Variants in PCDH11Y observed in about 807,000 individuals in gnomAD.
PCDH11Y encodes the protein protocadherin 11 Y-linked.
For synonymous variants in PCDH11Y, 9 were observed against 83.6 expected, an observed-to-expected ratio of 0.11 and a Z score of 4.87; for missense variants, 12 against 224.8, an observed-to-expected ratio of 0.05 and a Z score of 6.05.
chrY:5,198,243 G>C, intron 2 of PCDH11Y, among the ~76,000 whole-genome samples: 1 of 23,990 alleles, frequency 4.2e-5, no homozygotes, highest in Non-Finnish European at 9.6e-5. Context: ...TGCCTCCTGG[G>C]TTCAAGCAAT....
At chrY:5,296,934 A>G in intron 2 of PCDH11Y, among the ~76,000 whole-genome samples, 2 of 31,880 alleles carry the variant, frequency 6.3e-5, no homozygotes, top group African/African-American at 2.5e-4. Context: ...CTCAAGCAGA[A>G]GGAGTTTTGC....
intron 2 of PCDH11Y, among the ~76,000 whole-genome samples, chrY:5,198,285 T>C (rs2052923249): frequency 3.7e-5 from 1 of 26,811 alleles, no homozygotes; most frequent in African/African-American, 1.5e-4. Flanking sequence ...GTAGCTGGGA[T>C]TATAGGTGCC....
downstream of PCDH11Y, among the ~76,000 whole-genome samples, chrY:5,107,655 T>C: frequency 3.0e-5 from 1 of 33,070 alleles, no homozygotes; most frequent in Non-Finnish European, 7.4e-5. Context: ...TCCAACCTTT[T>C]GTGTTGTCAT....
At chrY:5,597,466 C>A (rs1602948381) in intron 4 of PCDH11Y, among the ~76,000 whole-genome samples, 5 of 27,326 alleles carry the variant, frequency 1.8e-4, no homozygotes, top group African/African-American at 4.3e-4. Context: ...CATCTCCATA[C>A]TGTTTCTCAA....
chrY:5,438,041 A>G (rs2053277055), intron 2 of PCDH11Y, among the ~76,000 whole-genome samples: 1 of 31,353 alleles, frequency 3.2e-5, no homozygotes, highest in Non-Finnish European at 7.7e-5. Flanking sequence ...CAATCCAGGA[A>G]AATTAATTCT....
At chrY:5,346,299 G>A (rs2053152543) in intron 2 of PCDH11Y, among the ~76,000 whole-genome samples, 4 of 31,878 alleles carry the variant, frequency 1.3e-4, no homozygotes, top group Admixed American at 5.9e-4. Flanking sequence ...GCGCAATCTC[G>A]GCTCACTGCA....
intron 4 of PCDH11Y, among the ~76,000 whole-genome samples, chrY:5,653,845 G>A (rs2053533982): frequency 3.1e-5 from 1 of 32,344 alleles, no homozygotes. Context: ...AGGAAAAAAT[G>A]TTAAGGCAGC....
At chrY:5,235,996 G>A (rs2052974756) in intron 2 of PCDH11Y, among the ~76,000 whole-genome samples, 1 of 33,449 alleles carries the variant, frequency 3.0e-5, no homozygotes, top group South Asian at 6.4e-4. Context: ...CAGTTTCATA[G>A]CATATCACTT....
At chrY:5,360,734 G>A (rs2124671795) in intron 2 of PCDH11Y, among the ~76,000 whole-genome samples, 17 of 32,866 alleles carry the variant, frequency 5.2e-4, no homozygotes, top group Admixed American at 4.3e-3. Flanking sequence ...AGAAATAAAA[G>A]TCAAACATCT....
At position 5,023,101 on chromosome Y, in the gene PCDH11Y, A is replaced by G; in HGVS notation, c.-133-8805A>G. Reference sequence around the variant, plus strand: ...CACATTAAAGCTGAAATTATACATGATATGAATGCAGTATTAGTTACTAAT... The same window carrying G: ...CACATTAAAGCTGAAATTATACATGGTATGAATGCAGTATTAGTTACTAAT... On this transcript the variant is annotated intron_variant, in intron 1 of 5. Transcript: ENST00000333703. 1.8e-4 allele frequency among the ~76,000 whole-genome samples: 6 copies of G among 34,049 alleles called. No homozygotes were observed. The East Asian group carries it at 4.6e-3, about 26-fold the overall frequency. The allele number at this position is 34,049 out of a possible 37,273, so 91.4% of individuals were successfully genotyped here.
chrY:5,684,072 G>A, intron 4 of PCDH11Y, among the ~76,000 whole-genome samples: 1 of 32,351 alleles, frequency 3.1e-5, no homozygotes, highest in Non-Finnish European at 7.6e-5. Context: ...ATTTGACAAG[G>A]GATTAATAAC....
At chrY:5,570,666 A>C (rs2053438611) in intron 3 of PCDH11Y, among the ~76,000 whole-genome samples, 1 of 31,978 alleles carries the variant, frequency 3.1e-5, no homozygotes. Flanking sequence ...GATTTCCCTA[A>C]TAGTTAAAAC....
chrY:5,200,909 A>G (rs2124649830), intron 2 of PCDH11Y, among the ~76,000 whole-genome samples: 1 of 34,252 alleles, frequency 2.9e-5, no homozygotes, highest in Admixed American at 2.6e-4. Flanking sequence ...GATGTATAAG[A>G]GACTTGGATT....
chrY:5,740,656 CACATT>C (rs2053616517), exon 5 of PCDH11Y: 1 of 33,367 alleles, frequency 3.0e-5, no homozygotes, highest in African/African-American at 1.2e-4. Context: ...TCTTTTTCAT[CACATT>C]ACAAGTTATT....
At chrY:5,431,802 G>A in intron 2 of PCDH11Y, among the ~76,000 whole-genome samples, 1 of 32,775 alleles carries the variant, frequency 3.1e-5, no homozygotes, top group Non-Finnish European at 7.5e-5. Context: ...GATTTTTTTC[G>A]CTCACTAATA....
At chrY:5,421,668 CA>C (rs2053258689) in intron 2 of PCDH11Y, among the ~76,000 whole-genome samples, 1 of 30,413 alleles carries the variant, frequency 3.3e-5, no homozygotes, top group Non-Finnish European at 7.9e-5. Context: ...TCTCAATGTA[CA>C]AAAAACACTT....
intron 1 of PCDH11Y, among the ~76,000 whole-genome samples, chrY:5,003,796 A>G (rs2052535770): frequency 3.0e-5 from 1 of 33,481 alleles, no homozygotes; most frequent in Non-Finnish European, 7.4e-5. Context: ...CTGATTGCGG[A>G]CAATTCCTTC....
At chrY:5,150,017 A>T in intron 2 of PCDH11Y, among the ~76,000 whole-genome samples, 1 of 32,826 alleles carries the variant, frequency 3.0e-5, no homozygotes, top group Non-Finnish European at 7.5e-5. Flanking sequence ...CTATGACTTT[A>T]TTTTTAACTA....
At chrY:5,280,444 T>C (rs2053052504) in intron 2 of PCDH11Y, among the ~76,000 whole-genome samples, 1 of 32,858 alleles carries the variant, frequency 3.0e-5, no homozygotes, top group Non-Finnish European at 7.5e-5. Flanking sequence ...TCCATGTCCC[T>C]GCAAAGGACA....
Sources: allele counts gnomAD v4.1 joint callset (sites outside exome capture counted in the v4.1 genomes callset), GRCh38; gene constraint gnomAD v4.1.1; transcripts MANE v1.5; gene names NCBI Gene and HGNC (gene_info 2026-07-23, HGNC 2026-07-21).